CEACAM6: variants seen among roughly 807,000 people sequenced by gnomAD.
The protein encoded by CEACAM6 is CEA cell adhesion molecule 6.
In CEACAM6, 21 loss-of-function variants were observed where a neutral mutation model predicts 32.4. That is an observed-to-expected ratio of 0.65 (90% confidence interval 0.46 to 0.93). The LOEUF (loss-of-function observed/expected upper bound fraction) is 0.93. CEACAM6 is among the 40% of genes least tolerant of loss of function. The pLI is 0.00. For synonymous variants in CEACAM6, 184 were observed against 174.4 expected (o/e 1.06, Z -0.43); for missense variants, 406 against 432.2 (o/e 0.94, Z 0.54).
rs573354765 is a variant in CEACAM6 at position 41,771,791 on chromosome 19, T to C, written c.*1030T>C. 7 of 152,324 alleles carry C rather than the reference T, an allele frequency of 4.6e-5. No individual in the cohort carries two copies. Among genetic ancestry groups the C allele is most frequent in the African/African-American group, 1.7e-4 (7 of 41,564 alleles). 9.4% of individuals were successfully genotyped at this position (152,324 alleles called of 1,614,324 possible). A position where few individuals can be genotyped will look rare whatever the true frequency, so the allele number is the denominator to read the frequency against. Reference sequence around the variant, plus strand: ...ACCCATGAAGGATAAAAGCCCCAAATGGTGGTAACTGATAATAGCACTAAT... The same window carrying C: ...ACCCATGAAGGATAAAAGCCCCAAACGGTGGTAACTGATAATAGCACTAAT... On this transcript the variant is annotated 3_prime_UTR_variant, in exon 6 of 6. Transcript: ENST00000199764.
chr19:41,769,246 C>T (rs546542654), intron 5 of CEACAM6, among the ~76,000 whole-genome samples: 1 of 152,038 alleles, frequency 6.6e-6, no homozygotes, highest in Non-Finnish European at 1.5e-5. Flanking sequence ...CGCCCAGCCC[C>T]GACAATTATT....
At chr19:41,762,998 C>T (rs2072935987) in intron 4 of CEACAM6, among the ~76,000 whole-genome samples, 1 of 152,144 alleles carries the variant, frequency 6.6e-6, no homozygotes, top group South Asian at 2.1e-4. Flanking sequence ...AAGTGACGCA[C>T]ACTTGGAGAC....
At chr19:41,770,276 A>C (rs1358250116) in intron 5 of CEACAM6, among the ~76,000 whole-genome samples, 1 of 150,070 alleles carries the variant, frequency 6.7e-6, no homozygotes, top group African/African-American at 2.4e-5. Context: ...AAAAAAAAAA[A>C]GCTAGGTGTG....
chr19:41,767,730 T>C (rs1468029096), intron 5 of CEACAM6, among the ~76,000 whole-genome samples: 1 of 152,224 alleles, frequency 6.6e-6, no homozygotes, highest in Non-Finnish European at 1.5e-5. Context: ...CCATGGTTTT[T>C]AGCTAGGAGG....
chr19:41,770,692 G>GAA (rs540821784), intron 5 of CEACAM6, 110 bp from the exon 6 acceptor site: 148 of 152,246 alleles, frequency 9.7e-4, no homozygotes, highest in African/African-American at 3.5e-3. Flanking sequence ...ATCTTTGGTA[G>GAA]AAATAAAGAT....
At position 41,771,784 on chromosome 19, in the gene CEACAM6, C is replaced by T. The variant is rs1379703250; in HGVS notation, c.*1023C>T. The T allele has an allele frequency of 2.0e-5, 3 of 152,144 alleles. No individual in the cohort carries two copies. The East Asian group carries it at 5.8e-4, about 29-fold the overall frequency. The allele number at this position is 152,144 out of a possible 1,614,324, so 9.4% of individuals were successfully genotyped here. ...CATCATAACCCATGAAGGATAAAAG[C>T]CCCAAATGGTGGTAACTGATAATAG... On this transcript the variant is annotated 3_prime_UTR_variant, in exon 6 of 6. Coordinates refer to ENST00000199764, the MANE Select transcript of CEACAM6 (RefSeq NM_002483.7).
chr19:41,769,565 A>G (rs2072979473), intron 5 of CEACAM6, among the ~76,000 whole-genome samples: 1 of 151,890 alleles, frequency 6.6e-6, no homozygotes, highest in South Asian at 2.1e-4. Flanking sequence ...AGATTTCAGG[A>G]AACATTTTTT....
chr19:41,768,674 G>A (rs1415060576), intron 5 of CEACAM6, among the ~76,000 whole-genome samples: 3 of 151,726 alleles, frequency 2.0e-5, no homozygotes, highest in South Asian at 2.1e-4. Context: ...CAGTAGGGGC[G>A]GCCGGGCAGA....
chr19:41,761,487 G>A lies in CEACAM6; in HGVS notation c.663G>A (p.Ala221=), dbSNP rs782339128. The stretch of plus-strand genomic sequence containing the variant: ...ATGAATGTGAAATACAGAACCCAGC[G>A]AGTGCCAACCGCAGTGACCCAGTCA... ...GSYECEIQNP[A]SANRSDPVTL... The change falls in exon 3 of 6, where the codon GCG becomes GCA. Residue 221 remains alanine (A), a synonymous_variant. Transcript: ENST00000199764. The A allele has an allele frequency of 5.6e-6, 9 of 1,614,156 alleles. No individual in the cohort carries two copies. Among genetic ancestry groups the A allele is most frequent in the Admixed American group, 1.7e-5 (1 of 60,022 alleles).
chr19:41,764,682 C>A (rs911775753), intron 4 of CEACAM6, among the ~76,000 whole-genome samples: 1 of 152,136 alleles, frequency 6.6e-6, no homozygotes, highest in South Asian at 2.1e-4. Flanking sequence ...TTTTGAAGAA[C>A]CAACTTTTGG....
At chr19:41,756,463 C>CACACAG in intron 1 of CEACAM6, 137 bp from the exon 2 acceptor site, 1 of 1,193,938 alleles carries the variant, frequency 8.4e-7, no homozygotes, top group Non-Finnish European at 1.1e-6. Context: ...GACACACACA[C>CACACAG]ACACACACAC....
At chr19:41,756,986 T>G in intron 2 of CEACAM6, 27 bp downstream of exon 2, 1 of 1,574,496 alleles carries the variant, frequency 6.4e-7, no homozygotes, top group South Asian at 1.2e-5. Flanking sequence ...GACCTCTGGG[T>G]GTTGGGGGTC....
At chr19:41,766,512 C>G (rs2072957249) in intron 5 of CEACAM6, among the ~76,000 whole-genome samples, 1 of 152,210 alleles carries the variant, frequency 6.6e-6, no homozygotes, top group Non-Finnish European at 1.5e-5. Context: ...CCAGCCTCTG[C>G]TCATTTGTTT....
Position 41,761,283 on chromosome 19 carries a change from C to T in CEACAM6, c.459C>T (p.Asn153=). The T allele has an allele frequency of 6.2e-7, 1 of 1,614,196 alleles. No individual in the cohort carries two copies. The change falls in exon 3 of 6, where the codon AAC becomes AAT. Residue 153 remains asparagine, a synonymous_variant. Transcript: ENST00000199764. The part of the protein sequence containing the change: ...ELPKPSISSN[N]SNPVEDKDAV... ...CCAAGCCCTCCATCTCCAGCAACAA[C>T]TCCAACCCCGTGGAGGACAAGGATG...
At chr19:41,763,098 C>A (rs544228401) in intron 4 of CEACAM6, among the ~76,000 whole-genome samples, 1 of 152,158 alleles carries the variant, frequency 6.6e-6, no homozygotes, top group Admixed American at 6.5e-5. Flanking sequence ...GACTACCAGC[C>A]ACTATGTATC....
At position 41,761,666 on chromosome 19, in the gene CEACAM6, C is replaced by T. The variant is rs182417142; in HGVS notation, c.703+139C>T. The T allele has an allele frequency of 5.9e-5, 84 of 1,413,554 alleles. No individual in the cohort carries two copies. The Admixed American group carries it at 1.7e-3, about 29-fold the overall frequency. The allele number at this position is 1,413,554 out of a possible 1,614,324, so 87.6% of individuals were successfully genotyped here. A position where few individuals can be genotyped will look rare whatever the true frequency, so the allele number is the denominator to read the frequency against. On this transcript the variant is annotated intron_variant, in intron 3 of 5. Transcript: ENST00000199764. ...GCCATGACTTCCTGCCCTGAGCAAA[C>T]CTGGGCAGACCAGGCCTTGACCAAG...
In CEACAM6 at chr19:41,762,036, C is replaced by T. The variant is rs151157553; in HGVS notation, c.771C>T (p.Leu257=). Residue 257 remains leucine, a synonymous_variant, in exon 4 of 6, where the codon CTC becomes CTT. Transcript: ENST00000199764. ...ACCGTCCAGGGGAAAATCTGAACCT[C>T]TCCTGCCACGCAGCCTCTAACCCAC... The part of the protein sequence containing the change: ...ANYRPGENLN[L]SCHAASNPPA... 6.2e-6 allele frequency: 10 copies of T among 1,614,106 alleles called. No individual in the cohort carries two copies. The highest frequency in any genetic ancestry group is 8.5e-6 in the Non-Finnish European group (10 of 1,180,040).
Position 41,768,513 on chromosome 19 carries a change from A to C in CEACAM6, c.*40+2214A>C, listed in dbSNP as rs1215564113. On this transcript the variant is annotated intron_variant, in intron 5 of 5. Coordinates refer to ENST00000199764, the MANE Select transcript of CEACAM6 (RefSeq NM_002483.7). Reference sequence around the variant, plus strand: ...CATGTCTACTTCTTTCTACACAGACACGGCAACCATCCGATTTCTCAATCT... The same window carrying C: ...CATGTCTACTTCTTTCTACACAGACCCGGCAACCATCCGATTTCTCAATCT... Among the ~76,000 whole-genome samples, 23 of 152,346 alleles carry C rather than the reference A, an allele frequency of 1.5e-4. 1 individual carries two copies. Among genetic ancestry groups the C allele is most frequent in the South Asian group, 1.0e-3 (5 of 4,830 alleles).
intron 2 of CEACAM6, among the ~76,000 whole-genome samples, chr19:41,760,088 T>C (rs1424157762): frequency 7.9e-5 from 12 of 152,322 alleles, no homozygotes; most frequent in Admixed American, 5.9e-4. Flanking sequence ...GTATGAACTA[T>C]AGGTACCAAG....
Sources: gnomAD v4.1 joint callset for allele counts (sites outside exome capture counted in the v4.1 genomes callset) on GRCh38, gnomAD v4.1.1 for gene constraint, MANE v1.5 for transcripts, NCBI Gene and HGNC (gene_info 2026-07-23, HGNC 2026-07-21) for gene names.